The following CRIM1 variants were observed in gnomAD, a reference collection of about 807,000 sequenced individuals.
CRIM1 encodes the protein cysteine-rich motor neuron 1 protein.
CRIM1 carries 32 observed loss-of-function variants against 116.4 expected under a neutral mutation model. That is an observed-to-expected ratio of 0.27 (90% CI 0.21 to 0.37). The LOEUF is 0.37. Ranked by LOEUF, CRIM1 falls within the 10% of genes least tolerant of loss-of-function variation. The pLI is 1.00. For missense variants in CRIM1, 1,331 were observed against 1,354.8 expected (o/e 0.98, Z 0.28); for synonymous variants, 590 against 509.2 (o/e 1.16, Z -2.13).
At chr2:36,516,332 T>G (rs540850209) in intron 11 of CRIM1, among the ~76,000 whole-genome samples, 20 of 152,276 alleles carry the variant, frequency 1.3e-4, no homozygotes, top group African/African-American at 4.8e-4. Flanking sequence ...CCAGACTCTT[T>G]CTCGGCGGGA....
chr2:36,464,420 A>G, intron 4 of CRIM1, 114 bp from the exon 5 acceptor site: 1 of 1,005,816 alleles, frequency 9.9e-7, no homozygotes, highest in Non-Finnish European at 1.5e-6. Context: ...TAAAGGAGGC[A>G]GTGTCGTATA....
intron 14 of CRIM1, among the ~76,000 whole-genome samples, chr2:36,538,497 T>C (rs552317239): frequency 6.6e-6 from 1 of 152,288 alleles, no homozygotes; most frequent in African/African-American, 2.4e-5. Context: ...TTGTATTCAA[T>C]ACAGGGAGCT....
chr2:36,469,922 T>C (rs1678358735), intron 5 of CRIM1, among the ~76,000 whole-genome samples: 1 of 152,152 alleles, frequency 6.6e-6, no homozygotes, highest in Non-Finnish European at 1.5e-5. Context: ...ATATGCTTGG[T>C]GTCCTCCAGC....
At chr2:36,474,847 CAAAAAAAA>C (rs56084308) in intron 5 of CRIM1, among the ~76,000 whole-genome samples, 2 of 90,766 alleles carry the variant, frequency 2.2e-5, no homozygotes, top group African/African-American at 4.4e-5. Flanking sequence ...GACTCTATAT[CAAAAAAAA>C]AAAAAAAAAA....
At position 36,496,274 on chromosome 2, in the gene CRIM1, A is replaced by C. The variant is rs145566545; in HGVS notation, c.1373-2945A>C. Among the ~76,000 whole-genome samples the C allele has an allele frequency of 4.4e-3, 664 of 152,346 alleles. 5 individuals carry two copies. Among genetic ancestry groups the C allele is most frequent in the Non-Finnish European group, 7.5e-3 (508 of 68,028 alleles). On this transcript the variant is annotated intron_variant, in intron 7 of 16. Coordinates refer to ENST00000280527, the MANE Select transcript of CRIM1 (RefSeq NM_016441.3). ...AAAACCTAGATTTCTAGCTATATTT[A>C]ACATATCACAATGACTATTGTTGTG...
intron 13 of CRIM1, among the ~76,000 whole-genome samples, chr2:36,526,148 A>G (rs970981776): frequency 9.9e-5 from 15 of 152,154 alleles, no homozygotes; most frequent in Non-Finnish European, 1.3e-4. Flanking sequence ...GTAATTACCC[A>G]TTCACTTTAA....
At chr2:36,492,371 C>CGT (rs1272474692) in intron 7 of CRIM1, among the ~76,000 whole-genome samples, 1 of 152,132 alleles carries the variant, frequency 6.6e-6, no homozygotes. Context: ...AAACTCCAAC[C>CGT]GTAAGAGACT....
chr2:36,479,826 A>G, intron 7 of CRIM1, 132 bp downstream of exon 7: 1 of 820,316 alleles, frequency 1.2e-6, no homozygotes, highest in Admixed American at 2.2e-5. Context: ...TTGCCAACAA[A>G]TTTATCAAAC....
intron 1 of CRIM1, among the ~76,000 whole-genome samples, chr2:36,381,748 C>G (rs754895230): frequency 5.3e-5 from 8 of 152,216 alleles, no homozygotes; most frequent in Non-Finnish European, 1.0e-4. Flanking sequence ...GATTACGCTA[C>G]TGTACTCCAG....
chr2:36,486,717 A>T (rs748591124), intron 7 of CRIM1, among the ~76,000 whole-genome samples: 15 of 152,330 alleles, frequency 9.8e-5, no homozygotes, highest in Admixed American at 2.0e-4. Context: ...TAAGACAATA[A>T]TTGCATCTAA....
At chr2:36,381,137 G>C (rs936639290) in intron 1 of CRIM1, among the ~76,000 whole-genome samples, 2 of 152,026 alleles carry the variant, frequency 1.3e-5, no homozygotes, top group Non-Finnish European at 2.9e-5. Flanking sequence ...CAGGAATCTA[G>C]AGCCCTCCCA....
At chr2:36,488,736 T>G (rs1572854436) in intron 7 of CRIM1, among the ~76,000 whole-genome samples, 1 of 152,200 alleles carries the variant, frequency 6.6e-6, no homozygotes, top group Admixed American at 6.5e-5. Flanking sequence ...CTAGTTCAGG[T>G]ATATGGACCA....
chr2:36,481,284 G>GAT (rs944729432), intron 7 of CRIM1, among the ~76,000 whole-genome samples: 22 of 152,206 alleles, frequency 1.4e-4, no homozygotes, highest in African/African-American at 5.1e-4. Context: ...TGAACAGGTA[G>GAT]ATATATATAT....
chr2:36,431,337 A>G (rs1674875524), intron 2 of CRIM1, among the ~76,000 whole-genome samples: 1 of 152,204 alleles, frequency 6.6e-6, no homozygotes, highest in Non-Finnish European at 1.5e-5. Flanking sequence ...TTACTCTCCA[A>G]GGCAGTCTTG....
At chr2:36,502,934 C>G (rs1017854147) in intron 8 of CRIM1, among the ~76,000 whole-genome samples, 1 of 152,160 alleles carries the variant, frequency 6.6e-6, no homozygotes, top group Admixed American at 6.5e-5. Flanking sequence ...ATTTTGGATT[C>G]TTCTTAAAGT....
At chr2:36,534,609 C>CAGGAAGGA (rs758422562) in intron 13 of CRIM1, among the ~76,000 whole-genome samples, 1 of 112,252 alleles carries the variant, frequency 8.9e-6, no homozygotes, top group Non-Finnish European at 1.8e-5. Context: ...GAGGGAGGGA[C>CAGGAAGGA]AGGAAGGAAG....
At chr2:36,422,887 C>T (rs1413802438) in intron 2 of CRIM1, among the ~76,000 whole-genome samples, 1 of 152,146 alleles carries the variant, frequency 6.6e-6, no homozygotes, top group Non-Finnish European at 1.5e-5. Flanking sequence ...TGTCATGTTT[C>T]CTCAGTTTCC....
intron 2 of CRIM1, among the ~76,000 whole-genome samples, chr2:36,437,109 C>T (rs929298533): frequency 1.3e-5 from 2 of 152,182 alleles, no homozygotes; most frequent in Admixed American, 6.5e-5. Flanking sequence ...GGCACGGTGG[C>T]GCACGCCTGT....
chr2:36,458,675 G>C (rs1677334061), intron 4 of CRIM1, among the ~76,000 whole-genome samples: 1 of 152,176 alleles, frequency 6.6e-6, no homozygotes, highest in Admixed American at 6.5e-5. Context: ...GAGGATCAGG[G>C]GAGTAAGGGA....
Sources: gnomAD v4.1 joint callset for allele counts (sites outside exome capture counted in the v4.1 genomes callset) on GRCh38, gnomAD v4.1.1 for gene constraint, MANE v1.5 for transcripts, NCBI Gene and HGNC (gene_info 2026-07-23, HGNC 2026-07-21) for gene names.